SLC12A1: variants seen among roughly 807,000 people sequenced by gnomAD.
SLC12A1 encodes the protein solute carrier family 12 member 1.
In SLC12A1, 89 loss-of-function variants were observed where a neutral mutation model predicts 130.4. The observed-to-expected ratio is 0.68, with a 90% CI of 0.58 to 0.81. The LOEUF is 0.81. Among genes scored for constraint, SLC12A1 ranks in the 40% least tolerant of loss-of-function variants. The pLI is 0.00. For missense variants in SLC12A1, 1,310 were observed against 1,336.4 expected, an observed-to-expected ratio of 0.98 and a Z score of 0.31; for synonymous variants, 499 against 460.0, an observed-to-expected ratio of 1.08 and a Z score of -1.09.
intron 20 of SLC12A1, among the ~76,000 whole-genome samples, chr15:48,275,561 A>G (rs575972827): frequency 3.7e-4 from 57 of 152,320 alleles, no homozygotes; most frequent in African/African-American, 1.3e-3. Context: ...TTGATTTGCG[A>G]TGCACTGGAT....
intron 9 of SLC12A1, among the ~76,000 whole-genome samples, chr15:48,240,069 AT>A (rs2041493534): frequency 2.3e-5 from 2 of 86,528 alleles, no homozygotes; most frequent in South Asian, 3.3e-4. Context: ...ATATATATAT[AT>A]CCATATATAT....
At position 48,251,713 on chromosome 15, in the gene SLC12A1, G is replaced by A. The variant is rs2041650852; in HGVS notation, c.1885G>A (p.Val629Ile). ...VMFVINWWAA[V>I]ITYVIEFFLY... ...GTTTGTCATCAACTGGTGGGCAGCT[G>A]TCATCACCTATGTCATTGAATTCTT... The change falls in exon 15 of 27, where the codon GTC becomes ATC. Residue 629 changes from valine to isoleucine, a missense_variant. Physicochemically the swap from Val to Ile is conservative, Grantham distance 29. Coordinates refer to ENST00000380993, the MANE Select transcript of SLC12A1 (RefSeq NM_000338.3). 6.2e-7 allele frequency: 1 copy of A among 1,613,676 alleles called. No homozygotes were observed. The highest frequency in any genetic ancestry group is 1.3e-5 in the African/African-American group (1 of 74,892).
chr15:48,227,477 T>C, intron 5 of SLC12A1: 1 of 359,602 alleles, frequency 2.8e-6, no homozygotes, highest in South Asian at 2.7e-5. Flanking sequence ...TGAGACCCAC[T>C]GGCTCTCTCG....
At chr15:48,279,102 A>G (rs1340472581) in intron 20 of SLC12A1, among the ~76,000 whole-genome samples, 1 of 152,260 alleles carries the variant, frequency 6.6e-6, no homozygotes, top group Non-Finnish European at 1.5e-5. Context: ...TTACACAAAT[A>G]CATGAAGAAC....
intron 21 of SLC12A1, 52 bp from the exon 22 acceptor site, chr15:48,287,991 T>G: frequency 6.3e-7 from 1 of 1,575,000 alleles, no homozygotes; most frequent in Non-Finnish European, 8.6e-7. Context: ...GAAAGTTATT[T>G]TGTTTCTGCC....
At chr15:48,290,767 G>C (rs145933114) in intron 23 of SLC12A1, among the ~76,000 whole-genome samples, 1 of 151,766 alleles carries the variant, frequency 6.6e-6, no homozygotes, top group Non-Finnish European at 1.5e-5. Context: ...ATATTTGTAT[G>C]CTAATATTAT....
chr15:48,256,822 G>GCCCC (rs57937723), intron 16 of SLC12A1, among the ~76,000 whole-genome samples: 2 of 120,128 alleles, frequency 1.7e-5, no homozygotes, highest in African/African-American at 6.5e-5. Flanking sequence ...TCCATCCCTG[G>GCCCC]CCCCCCCCCC....
rs970279561 is a variant in SLC12A1, at chr15:48,275,560, G to A, written c.2485+907G>A. ...CTGGCAAAAATTACCTTTGATTTGC[G>A]ATGCACTGGATGAGTAGGAGTTAAC... is the stretch of plus-strand genomic sequence containing the variant. On this transcript the variant is annotated intron_variant, in intron 20 of 26. Transcript: ENST00000380993. Among the ~76,000 whole-genome samples the A allele has an allele frequency of 9.9e-5, 15 of 152,280 alleles. No individual in the cohort carries two copies. The East Asian group carries it at 1.9e-3, about 20-fold the overall frequency.
At chr15:48,244,990 G>A in intron 11 of SLC12A1, 86 bp downstream of exon 11, 4 of 1,235,426 alleles carry the variant, frequency 3.2e-6, no homozygotes, top group Non-Finnish European at 2.3e-6. Flanking sequence ...ATCTGCAACT[G>A]ATTGATTATT....
chr15:48,277,885 G>C (rs1473241908), intron 20 of SLC12A1, among the ~76,000 whole-genome samples: 1 of 152,148 alleles, frequency 6.6e-6, no homozygotes, highest in Non-Finnish European at 1.5e-5. Context: ...ATAAGACAGA[G>C]AGCTACTATC....
chr15:48,251,828 T>C (rs867336982), intron 15 of SLC12A1, 58 bp downstream of exon 15: 2 of 1,503,694 alleles, frequency 1.3e-6, no homozygotes, highest in African/African-American at 1.4e-5. Context: ...TACTCATTTA[T>C]TAAGCATTTA....
At chr15:48,299,597 T>G (rs2141130085) in intron 25 of SLC12A1, among the ~76,000 whole-genome samples, 1 of 152,358 alleles carries the variant, frequency 6.6e-6, no homozygotes, top group Non-Finnish European at 1.5e-5. Flanking sequence ...AGTCAATATG[T>G]GTGCAAAGTT....
chr15:48,250,674 C>CACACACACACACACACA (rs1555383559), intron 14 of SLC12A1, among the ~76,000 whole-genome samples: 5,166 of 55,956 alleles, frequency 0.092, 154 homozygotes, highest in Admixed American at 0.14. Flanking sequence ...AAAATGTCTG[C>CACACACACACACACACA]CTCACACACA....
chr15:48,252,315 A>G (rs2041657719), intron 15 of SLC12A1, among the ~76,000 whole-genome samples: 1 of 152,226 alleles, frequency 6.6e-6, no homozygotes, highest in African/African-American at 2.4e-5. Flanking sequence ...TTACAGATGA[A>G]GAAACTGGGG....
Position 48,220,898 on chromosome 15 carries a change from T to C in SLC12A1, c.553-23T>C, listed in dbSNP as rs1261073686. The C allele has an allele frequency of 1.9e-6, 3 of 1,613,626 alleles. No individual in the cohort carries two copies. In the East Asian group the frequency reaches 6.7e-5, roughly 36 times the overall value. On this transcript the variant is annotated intron_variant, in intron 3 of 26. Transcript: ENST00000380993. ...CCCACTATCGTTTGTCCTGTCTCCTTTCAATACCGCTTCTATCCACAGGTA... is the reference window on the plus strand; with the variant it reads ...CCCACTATCGTTTGTCCTGTCTCCTCTCAATACCGCTTCTATCCACAGGTA...
rs564701166 is a variant in SLC12A1 at position 48,255,678 on chromosome 15, T to C, written c.1943-133T>C. ...TTTTTAGGAAATCCCACACTATATT[T>C]TCTCTAATTTGGGCACTCATCTTTG... On this transcript the variant is annotated intron_variant, in intron 15 of 26. Coordinates refer to ENST00000380993, the MANE Select transcript of SLC12A1 (RefSeq NM_000338.3). The C allele has an allele frequency of 6.4e-6, 4 of 621,480 alleles. No individual in the cohort carries two copies. In the South Asian group the frequency reaches 8.6e-5, roughly 13 times the overall value. The allele number at this position is 621,480 out of a possible 1,614,324, so 38.5% of individuals were successfully genotyped here. A position where few individuals can be genotyped will look rare whatever the true frequency, so the allele number is the denominator to read the frequency against.
chr15:48,302,347 G>T (rs954110693), intron 26 of SLC12A1, among the ~76,000 whole-genome samples: 46 of 152,052 alleles, frequency 3.0e-4, no homozygotes, highest in African/African-American at 1.1e-3. Flanking sequence ...CCGGCCGGGC[G>T]CGGTGGCTCA....
chr15:48,259,456 C>G lies in SLC12A1; in HGVS notation c.2154+145C>G, dbSNP rs1233948268. ...GAGCCCTCTACCTTGATTCATAGAG[C>G]AAGGACAAGCAAGAGCCCGTGATCC... On this transcript the variant is annotated intron_variant, in intron 17 of 26. Transcript: ENST00000380993. The G allele has an allele frequency of 7.7e-6, 5 of 648,812 alleles. No individual in the cohort carries two copies. In the Admixed American group the frequency reaches 9.9e-5, roughly 13 times the overall value. The allele number at this position is 648,812 out of a possible 1,614,324, so 40.2% of individuals were successfully genotyped here. A position where few individuals can be genotyped will look rare whatever the true frequency, so the allele number is the denominator to read the frequency against.
intron 7 of SLC12A1, 45 bp downstream of exon 7, chr15:48,230,548 C>A: frequency 1.6e-6 from 2 of 1,244,174 alleles, no homozygotes; most frequent in East Asian, 2.4e-5. Flanking sequence ...CTGGTCAGGT[C>A]CTGAACAAAT....
Sources: gnomAD v4.1 joint callset for allele counts (sites outside exome capture counted in the v4.1 genomes callset) on GRCh38, gnomAD v4.1.1 for gene constraint, MANE v1.5 for transcripts, NCBI Gene and HGNC (gene_info 2026-07-23, HGNC 2026-07-21) for gene names.